GPC5: variants seen among roughly 807,000 people sequenced by gnomAD.
GPC5 encodes glypican-5.
Under a neutral mutation model 53.9 loss-of-function variants are expected in GPC5, and 47 were observed. The ratio of observed to expected loss-of-function variants is 0.87; its 90% CI spans 0.69 to 1.11. The LOEUF is 1.11. Ranked by LOEUF, GPC5 falls within the 50% of genes most tolerant of loss-of-function variation. GPC5 has a pLI of 0.00. For missense variants in GPC5, 748 were observed against 713.1 expected (o/e 1.05, Z -0.56); for synonymous variants, 286 against 263.3 (o/e 1.09, Z -0.84).
chr13:92,325,535 G>C (rs999627436), intron 7 of GPC5, among the ~76,000 whole-genome samples: 1 of 152,012 alleles, frequency 6.6e-6, no homozygotes. Flanking sequence ...TATTCACTGT[G>C]GTGGAGCATA....
intron 2 of GPC5, among the ~76,000 whole-genome samples, chr13:91,601,298 T>G (rs2033173067): frequency 1.3e-5 from 2 of 152,180 alleles, no homozygotes; most frequent in South Asian, 4.1e-4. Context: ...CTAATGAAAT[T>G]TATCCCATCT....
intron 7 of GPC5, among the ~76,000 whole-genome samples, chr13:92,625,936 C>T (rs1409453560): frequency 6.6e-6 from 1 of 152,116 alleles, no homozygotes. Flanking sequence ...TGTGTCCTCA[C>T]TATGTAACTT....
At chr13:92,733,990 GTT>G (rs1363763765) in intron 7 of GPC5, among the ~76,000 whole-genome samples, 1 of 151,720 alleles carries the variant, frequency 6.6e-6, no homozygotes, top group African/African-American at 2.4e-5. Context: ...TGCTCTTTAA[GTT>G]TTAGATAGTG....
At chr13:92,104,352 A>G (rs1331575033) in intron 6 of GPC5, among the ~76,000 whole-genome samples, 1 of 152,160 alleles carries the variant, frequency 6.6e-6, no homozygotes, top group East Asian at 1.9e-4. Flanking sequence ...TCAAATTGTA[A>G]TTCTTTTATT....
At chr13:92,464,196 G>T (rs1878601479) in intron 7 of GPC5, among the ~76,000 whole-genome samples, 1 of 152,108 alleles carries the variant, frequency 6.6e-6, no homozygotes, top group Non-Finnish European at 1.5e-5. Context: ...ATGCTTTGGT[G>T]CAGACGACAT....
intron 7 of GPC5, among the ~76,000 whole-genome samples, chr13:92,378,231 T>C (rs578076076): frequency 1.5e-4 from 23 of 152,276 alleles, no homozygotes; most frequent in Admixed American, 1.4e-3. Context: ...ATGACAGTTA[T>C]CAGGGTATTC....
intron 7 of GPC5, among the ~76,000 whole-genome samples, chr13:92,245,056 T>G (rs949393919): frequency 6.9e-6 from 1 of 144,314 alleles, no homozygotes; most frequent in Admixed American, 6.9e-5. Flanking sequence ...AAAAAAAAAC[T>G]TGCACATTGT....
chr13:92,260,529 C>G (rs2042758899), intron 7 of GPC5, among the ~76,000 whole-genome samples: 1 of 152,166 alleles, frequency 6.6e-6, no homozygotes, highest in African/African-American at 2.4e-5. Context: ...CTGTTCAGGT[C>G]TGTGCTCCTT....
chr13:92,227,680 C>G (rs2042498098), intron 7 of GPC5, among the ~76,000 whole-genome samples: 1 of 151,906 alleles, frequency 6.6e-6, no homozygotes, highest in Admixed American at 6.6e-5. Context: ...TAATATAGTT[C>G]ACCCTTGAAC....
At chr13:92,238,964 C>T (rs555727486) in intron 7 of GPC5, among the ~76,000 whole-genome samples, 8 of 149,848 alleles carry the variant, frequency 5.3e-5, no homozygotes, top group African/African-American at 2.0e-4. Context: ...AATTTCTTTG[C>T]ATGTTTTGTC....
At chr13:91,635,966 T>G (rs185873602) in intron 2 of GPC5, among the ~76,000 whole-genome samples, 2 of 152,136 alleles carry the variant, frequency 1.3e-5, no homozygotes, top group African/African-American at 4.8e-5. Flanking sequence ...AGTTTTATAG[T>G]TTTTTTCATT....
At chr13:92,254,602 T>C (rs2042714249) in intron 7 of GPC5, among the ~76,000 whole-genome samples, 1 of 152,140 alleles carries the variant, frequency 6.6e-6, no homozygotes, top group Admixed American at 6.6e-5. Flanking sequence ...TATAAGGATG[T>C]ATCCAAGACT....
At chr13:92,451,243 A>T (rs758252114) in intron 7 of GPC5, among the ~76,000 whole-genome samples, 4 of 152,284 alleles carry the variant, frequency 2.6e-5, no homozygotes, top group Middle Eastern at 3.4e-3. Flanking sequence ...CTGCCACTCT[A>T]CTTTTGAGTA....
chr13:91,740,490 G>A (rs2036908377), intron 4 of GPC5, among the ~76,000 whole-genome samples: 1 of 152,160 alleles, frequency 6.6e-6, no homozygotes, highest in Non-Finnish European at 1.5e-5. Flanking sequence ...TTTTAGCTTG[G>A]AGAGAGGGGA....
chr13:91,838,256 T>A (rs2038744599), intron 5 of GPC5, among the ~76,000 whole-genome samples: 1 of 152,026 alleles, frequency 6.6e-6, no homozygotes, highest in South Asian at 2.1e-4. Flanking sequence ...CCCGCTGCCC[T>A]CTATGCTCCA....
chr13:91,937,425 G>A (rs918659500), intron 6 of GPC5, among the ~76,000 whole-genome samples: 1 of 151,960 alleles, frequency 6.6e-6, no homozygotes, highest in African/African-American at 2.4e-5. Context: ...GTTGGAGGTG[G>A]GAAATTGGGC....
intron 7 of GPC5, among the ~76,000 whole-genome samples, chr13:92,301,062 G>A (rs1356712802): frequency 6.6e-6 from 1 of 152,140 alleles, no homozygotes; most frequent in Non-Finnish European, 1.5e-5. Context: ...CACATAGTAT[G>A]TAAAAAAGGA....
At chr13:92,508,912 T>G (rs1469388444) in intron 7 of GPC5, among the ~76,000 whole-genome samples, 1 of 152,192 alleles carries the variant, frequency 6.6e-6, no homozygotes, top group Non-Finnish European at 1.5e-5. Context: ...ATTCATTCAT[T>G]TCTGCATTTC....
intron 7 of GPC5, among the ~76,000 whole-genome samples, chr13:92,346,124 C>T (rs568934617): frequency 1.3e-5 from 2 of 152,248 alleles, no homozygotes; most frequent in African/African-American, 2.4e-5. Context: ...ACCTGCTTGA[C>T]CTGAGCCATC....
Sources: allele counts gnomAD v4.1 joint callset (sites outside exome capture counted in the v4.1 genomes callset), GRCh38; gene constraint gnomAD v4.1.1; transcripts MANE v1.5; gene names NCBI Gene and HGNC (gene_info 2026-07-23, HGNC 2026-07-21).